ZBTB20: variants seen among roughly 807,000 people sequenced by gnomAD.
The protein encoded by ZBTB20 is zinc finger and BTB domain-containing protein 20.
In ZBTB20, 9 loss-of-function variants were observed where a neutral mutation model predicts 56.9. That is an observed-to-expected ratio of 0.16 (90% CI 0.10 to 0.28). The LOEUF (loss-of-function observed/expected upper bound fraction) is 0.28, where lower values mean the gene tolerates loss of function less well. Ranked by LOEUF, ZBTB20 falls within the 10% of genes least tolerant of loss-of-function variation. The pLI is 1.00. For synonymous variants in ZBTB20, 417 were observed against 420.7 expected (o/e 0.99, Z 0.11); for missense variants, 655 against 1,003.0 (o/e 0.65, Z 4.69).
intron 4 of ZBTB20, among the ~76,000 whole-genome samples, chr3:114,892,618 A>G (rs1010918849): frequency 2.7e-5 from 4 of 150,802 alleles, no homozygotes; most frequent in African/African-American, 7.3e-5. Flanking sequence ...TCCAAGACCA[A>G]TGCTGGTTTT....
chr3:114,951,160 G>T (rs1328828583), intron 3 of ZBTB20, among the ~76,000 whole-genome samples: 2 of 151,918 alleles, frequency 1.3e-5, no homozygotes, highest in Non-Finnish European at 2.9e-5. Context: ...TTCTGAATTT[G>T]TAACTGTTTT....
At chr3:114,798,341 C>CAAAAAAACA (rs1332594223) in intron 5 of ZBTB20, among the ~76,000 whole-genome samples, 2 of 68,576 alleles carry the variant, frequency 2.9e-5, no homozygotes, top group Non-Finnish European at 4.9e-5. Flanking sequence ...AATTAAAAAA[C>CAAAAAAACA]AAAAAAACAA....
At chr3:114,891,742 G>A (rs2076816548) in intron 4 of ZBTB20, among the ~76,000 whole-genome samples, 1 of 152,254 alleles carries the variant, frequency 6.6e-6, no homozygotes, top group South Asian at 2.1e-4. Flanking sequence ...TCTTAAATGA[G>A]TTTAAACATT....
rs2067258373 is a variant in ZBTB20 at position 114,748,334 on chromosome 3, CTTCTTTCTTTCTTTCTTT to C, written c.-343+52749_-343+52766del. Reference sequence around the variant, plus strand: ...TCTTTCTTTCTTTCTTTCTTTCTTTCTTCTTTCTTTCTTTCTTTTCTCTCTCTCTCTCTCTCTCTCTCT... The same window carrying C: ...TCTTTCTTTCTTTCTTTCTTTCTTTCTCTCTCTCTCTCTCTCTCTCTCTCT... On this transcript the variant is annotated intron_variant, in intron 5 of 11. Coordinates refer to ENST00000675478, the MANE Select transcript of ZBTB20 (RefSeq NM_001348800.3). Among the ~76,000 whole-genome samples, 34 of 57,210 alleles carry C rather than the reference CTTCTTTCTTTCTTTCTTT, an allele frequency of 5.9e-4. 1 individual carries two copies. Among genetic ancestry groups the C allele is most frequent in the African/African-American group, 1.8e-3 (30 of 16,794 alleles). 37.5% of individuals were successfully genotyped at this position (57,210 alleles called of 152,430 possible).
At chr3:114,879,819 A>T (rs895206617) in intron 4 of ZBTB20, among the ~76,000 whole-genome samples, 1 of 152,230 alleles carries the variant, frequency 6.6e-6, no homozygotes, top group South Asian at 2.1e-4. Context: ...CTCAGCCAAC[A>T]TCACCTGTGC....
intron 6 of ZBTB20, among the ~76,000 whole-genome samples, chr3:114,585,094 A>G (rs2055042603): frequency 6.6e-6 from 1 of 151,966 alleles, no homozygotes; most frequent in Non-Finnish European, 1.5e-5. Flanking sequence ...TGGACTACAC[A>G]CTCGAGGAAC....
At chr3:114,738,935 C>A (rs981096812) in intron 5 of ZBTB20, among the ~76,000 whole-genome samples, 1 of 152,162 alleles carries the variant, frequency 6.6e-6, no homozygotes, top group African/African-American at 2.4e-5. Context: ...AAGCTGGATG[C>A]TAGACTATTG....
intron 3 of ZBTB20, among the ~76,000 whole-genome samples, chr3:114,906,834 TA>T (rs982836533): frequency 8.0e-5 from 12 of 150,090 alleles, no homozygotes; most frequent in African/African-American, 2.7e-4. Context: ...GGTTAATACA[TA>T]AAAAAAAATG....
At chr3:115,050,169 A>T (rs187493789) in intron 2 of ZBTB20, among the ~76,000 whole-genome samples, 2 of 152,194 alleles carry the variant, frequency 1.3e-5, no homozygotes, top group Non-Finnish European at 1.5e-5. Flanking sequence ...AAAACCAAAA[A>T]TGATGTGGTT....
intron 3 of ZBTB20, among the ~76,000 whole-genome samples, chr3:114,960,443 G>T (rs748620756): frequency 6.6e-6 from 1 of 152,238 alleles, no homozygotes; most frequent in Admixed American, 6.5e-5. Context: ...GACTCCCTAC[G>T]TACTACAGAT....
At chr3:114,469,372 G>A (rs559799992) in intron 7 of ZBTB20, among the ~76,000 whole-genome samples, 4 of 151,998 alleles carry the variant, frequency 2.6e-5, no homozygotes, top group African/African-American at 9.6e-5. Flanking sequence ...ATAGAAGAGG[G>A]GTCTAAAATG....
At chr3:114,665,558 G>A (rs988011579) in intron 6 of ZBTB20, among the ~76,000 whole-genome samples, 2 of 151,972 alleles carry the variant, frequency 1.3e-5, no homozygotes, top group Admixed American at 1.3e-4. Context: ...CACTCATTAA[G>A]TAAAGTAATG....
chr3:114,516,025 A>G (rs915631961), intron 6 of ZBTB20, among the ~76,000 whole-genome samples: 2 of 147,320 alleles, frequency 1.4e-5, no homozygotes, highest in Non-Finnish European at 3.0e-5. Flanking sequence ...TTTTTTTGCC[A>G]AAGTCACCAA....
Position 114,409,344 on chromosome 3 carries a change from A to G in ZBTB20, c.-254-20239T>C, listed in dbSNP as rs899520899. 4.6e-5 allele frequency among the ~76,000 whole-genome samples: 7 copies of G among 152,014 alleles called. No individual in the cohort carries two copies. The East Asian group carries it at 5.8e-4, about 13-fold the overall frequency. ...AGCAGGCACGATTTGATTTACCTAG[A>G]TTAAAAGAGCAATTTTCTATCTTCC... On this transcript the variant is annotated intron_variant, in intron 7 of 11. Coordinates refer to ENST00000675478, the MANE Select transcript of ZBTB20 (RefSeq NM_001348800.3).
chr3:114,900,878 G>A (rs1336384242), intron 3 of ZBTB20, among the ~76,000 whole-genome samples: 1 of 152,102 alleles, frequency 6.6e-6, no homozygotes, highest in East Asian at 1.9e-4. Flanking sequence ...AAATAGAAAT[G>A]AAATTGATTG....
chr3:114,950,189 C>G (rs2077018780), intron 3 of ZBTB20, among the ~76,000 whole-genome samples: 1 of 152,148 alleles, frequency 6.6e-6, no homozygotes, highest in African/African-American at 2.4e-5. Flanking sequence ...TAGTGAATAC[C>G]TGAAACTGCA....
At chr3:114,606,410 CT>C (rs1421337016) in intron 6 of ZBTB20, among the ~76,000 whole-genome samples, 5 of 151,456 alleles carry the variant, frequency 3.3e-5, no homozygotes, top group East Asian at 1.9e-4. Context: ...ATTCACTTTT[CT>C]TTTTTTTTCT....
intron 2 of ZBTB20, among the ~76,000 whole-genome samples, chr3:115,034,762 C>A (rs1472969747): frequency 2.0e-5 from 3 of 151,888 alleles, no homozygotes; most frequent in Non-Finnish European, 4.4e-5. Flanking sequence ...CCCCAAACAG[C>A]CAAAACAAAA....
At chr3:114,501,113 C>T (rs973913809) in intron 6 of ZBTB20, among the ~76,000 whole-genome samples, 1 of 152,160 alleles carries the variant, frequency 6.6e-6, no homozygotes, top group East Asian at 1.9e-4. Context: ...GACTTGCCTT[C>T]TAAAACTGCC....
Sources: gnomAD v4.1 joint callset for allele counts (sites outside exome capture counted in the v4.1 genomes callset) on GRCh38, gnomAD v4.1.1 for gene constraint, MANE v1.5 for transcripts, NCBI Gene and HGNC (gene_info 2026-07-23, HGNC 2026-07-21) for gene names.